ARHGAP10: variants seen among roughly 807,000 people sequenced by gnomAD.
ARHGAP10 encodes rho GTPase-activating protein 10.
Under a neutral mutation model 108.6 loss-of-function variants are expected in ARHGAP10, and 87 were observed. The observed-to-expected ratio is 0.80, with a 90% CI of 0.67 to 0.96. ARHGAP10 has a LOEUF of 0.96. Ranked by LOEUF, ARHGAP10 falls within the 40% of genes least tolerant of loss-of-function variation. The pLI is 0.00. For synonymous variants in ARHGAP10, 347 were observed against 341.1 expected (o/e 1.02, Z -0.19); for missense variants, 939 against 954.5 (o/e 0.98, Z 0.21).
chr4:148,065,407 C>A (rs1416071164), intron 22 of ARHGAP10: 1 of 152,230 alleles, frequency 6.6e-6, no homozygotes, highest in Non-Finnish European at 1.5e-5. Context: ...GAATAGATTT[C>A]TATATGCGTG....
intron 10 of ARHGAP10, among the ~76,000 whole-genome samples, 179 bp downstream of exon 10, chr4:147,882,111 G>T (rs1460070206): frequency 6.6e-6 from 1 of 152,118 alleles, no homozygotes; most frequent in Non-Finnish European, 1.5e-5. Context: ...TAGCTATGGG[G>T]TGATAGTTTC....
chr4:147,801,583 A>G (rs565670999), intron 1 of ARHGAP10, among the ~76,000 whole-genome samples: 2 of 152,242 alleles, frequency 1.3e-5, no homozygotes, highest in Non-Finnish European at 2.9e-5. Flanking sequence ...GTTTTTTACT[A>G]TAAAACATTT....
chr4:148,014,034 G>A (rs1444414218), intron 18 of ARHGAP10, among the ~76,000 whole-genome samples: 1 of 152,046 alleles, frequency 6.6e-6, no homozygotes, highest in Non-Finnish European at 1.5e-5. Context: ...TGAAAAGAGA[G>A]GAGAAAAGGA....
chr4:148,018,336 T>C (rs1213188110), intron 18 of ARHGAP10, among the ~76,000 whole-genome samples: 1 of 152,170 alleles, frequency 6.6e-6, no homozygotes, highest in Non-Finnish European at 1.5e-5. Context: ...ATCCAGGCAG[T>C]AGTTCCAGAA....
chr4:147,960,857 G>A (rs1738963332), intron 16 of ARHGAP10, among the ~76,000 whole-genome samples: 1 of 152,144 alleles, frequency 6.6e-6, no homozygotes, highest in Non-Finnish European at 1.5e-5. Context: ...GGTTTCTTTT[G>A]CTCATTTTGT....
intron 3 of ARHGAP10, among the ~76,000 whole-genome samples, chr4:147,829,391 G>A (rs899451459): frequency 6.6e-6 from 1 of 152,010 alleles, no homozygotes; most frequent in African/African-American, 2.4e-5. Flanking sequence ...GTTTCACCAT[G>A]TTGGGCAGGC....
chr4:147,840,690 G>A (rs1383469244), intron 3 of ARHGAP10, among the ~76,000 whole-genome samples: 1 of 152,122 alleles, frequency 6.6e-6, no homozygotes, highest in Non-Finnish European at 1.5e-5. Context: ...CATGTGACCT[G>A]TTCTCGAGAC....
intron 1 of ARHGAP10, among the ~76,000 whole-genome samples, chr4:147,766,016 G>A (rs569122983): frequency 3.3e-5 from 5 of 152,084 alleles, no homozygotes; most frequent in South Asian, 4.2e-4. Context: ...GGCTGGGTGC[G>A]GTACCTGTAA....
intron 18 of ARHGAP10, among the ~76,000 whole-genome samples, chr4:148,005,771 C>T (rs529437713): frequency 2.0e-5 from 3 of 152,226 alleles, no homozygotes; most frequent in South Asian, 4.1e-4. Context: ...TCTTGTCCTT[C>T]GATGACAAAA....
chr4:147,892,628 A>T (rs1400038692), intron 10 of ARHGAP10, among the ~76,000 whole-genome samples: 1 of 152,066 alleles, frequency 6.6e-6, no homozygotes, highest in Non-Finnish European at 1.5e-5. Flanking sequence ...TTACTAAAGA[A>T]AGTGATTTTT....
chr4:147,819,213 C>T (rs1407053842), intron 1 of ARHGAP10, among the ~76,000 whole-genome samples: 1 of 152,132 alleles, frequency 6.6e-6, no homozygotes, highest in Non-Finnish European at 1.5e-5. Flanking sequence ...TTTAAAATAA[C>T]CTGCAGCCTT....
At chr4:147,746,150 C>G (rs972628720) in intron 1 of ARHGAP10, among the ~76,000 whole-genome samples, 3 of 151,532 alleles carry the variant, frequency 2.0e-5, no homozygotes, top group Non-Finnish European at 4.4e-5. Flanking sequence ...TGTCGCCAGG[C>G]TGGAGTGCTG....
intron 19 of ARHGAP10, among the ~76,000 whole-genome samples, chr4:148,043,708 T>A (rs1728744725): frequency 7.7e-6 from 1 of 130,080 alleles, no homozygotes; most frequent in African/African-American, 2.9e-5. Flanking sequence ...TAAGGAAAAA[T>A]GTATATGCAT....
intron 18 of ARHGAP10, among the ~76,000 whole-genome samples, chr4:147,991,626 A>G (rs1278790718): frequency 6.6e-6 from 1 of 152,238 alleles, no homozygotes; most frequent in East Asian, 1.9e-4. Flanking sequence ...ACAACTGCAC[A>G]TGCACAGTTT....
intron 5 of ARHGAP10, chr4:147,858,632 C>T (rs1304546067): frequency 2.0e-5 from 3 of 152,160 alleles, no homozygotes; most frequent in Admixed American, 6.5e-5. Context: ...GTCCTTACTG[C>T]AGTACTTTGG....
intron 16 of ARHGAP10, among the ~76,000 whole-genome samples, chr4:147,959,272 G>T (rs1234073103): frequency 6.6e-6 from 1 of 151,736 alleles, no homozygotes; most frequent in East Asian, 1.9e-4. Context: ...AAAAAGACTT[G>T]GCAGAAATGG....
intron 18 of ARHGAP10, among the ~76,000 whole-genome samples, chr4:147,970,105 A>G (rs1739350244): frequency 6.6e-6 from 1 of 151,576 alleles, no homozygotes. Flanking sequence ...TTCTACTCCC[A>G]CTCCTGGCTC....
intron 19 of ARHGAP10, among the ~76,000 whole-genome samples, chr4:148,035,597 C>T (rs546935837): frequency 3.9e-5 from 6 of 152,086 alleles, no homozygotes; most frequent in Non-Finnish European, 7.4e-5. Flanking sequence ...GAAAATGAAA[C>T]GGGAGGAGTG....
intron 1 of ARHGAP10, among the ~76,000 whole-genome samples, chr4:147,816,574 C>T (rs759866102): frequency 2.0e-5 from 3 of 152,208 alleles, no homozygotes; most frequent in Non-Finnish European, 4.4e-5. Flanking sequence ...CAATGTTGGC[C>T]CATGAGCTGC....
Sources: gnomAD v4.1 joint callset for allele counts (sites outside exome capture counted in the v4.1 genomes callset) on GRCh38, gnomAD v4.1.1 for gene constraint, MANE v1.5 for transcripts, NCBI Gene and HGNC (gene_info 2026-07-23, HGNC 2026-07-21) for gene names.